CEP85L: variants seen among roughly 807,000 people sequenced by gnomAD.
CEP85L encodes centrosomal protein of 85 kDa-like.
In CEP85L, 60 loss-of-function variants were observed where a neutral mutation model predicts 100.3. The observed-to-expected ratio is 0.60, with a 90% confidence interval of 0.49 to 0.74. The LOEUF is 0.74. CEP85L is among the 30% of genes least tolerant of loss of function. CEP85L has a pLI of 0.00. For missense variants in CEP85L, 973 were observed against 936.2 expected (o/e 1.04, Z -0.51); for synonymous variants, 319 against 322.7 (o/e 0.99, Z 0.12).
At chr6:118,475,359 T>A (rs930133804) in intron 10 of CEP85L, among the ~76,000 whole-genome samples, 1 of 147,162 alleles carries the variant, frequency 6.8e-6, no homozygotes, top group Non-Finnish European at 1.5e-5. Context: ...TTTTTTTTTT[T>A]TTTTTTTTTT....
At position 118,600,299 on chromosome 6, in the gene CEP85L, GGGTGTGTGT is replaced by G. The variant is rs1562297718; in HGVS notation, c.232+32145_232+32153del. Among the ~76,000 whole-genome samples the G allele has an allele frequency of 1.2e-3, 106 of 89,004 alleles. 10 individuals are homozygous for G. The highest frequency in any genetic ancestry group is 2.1e-3 in the African/African-American group (49 of 23,204). The allele number at this position is 89,004 out of a possible 152,430, so 58.4% of individuals were successfully genotyped here. A position where few individuals can be genotyped will look rare whatever the true frequency, so the allele number is the denominator to read the frequency against. Reference sequence around the variant, plus strand: ...ACTGCCTGTCCCTGAGCCTTCCTGGGGGTGTGTGTGTGTGTGTGTGTGTGTGTGTGTGTG... The same window carrying G: ...ACTGCCTGTCCCTGAGCCTTCCTGGGGTGTGTGTGTGTGTGTGTGTGTGTG... On this transcript the variant is annotated intron_variant, in intron 2 of 12. Transcript: ENST00000368491.
At chr6:118,482,755 T>C (rs1773881902) in intron 7 of CEP85L, among the ~76,000 whole-genome samples, 1 of 152,230 alleles carries the variant, frequency 6.6e-6, no homozygotes, top group African/African-American at 2.4e-5. Flanking sequence ...TTGCCCTCTG[T>C]TCCTGCTCAT....
chr6:118,571,605 G>C (rs7764026), intron 2 of CEP85L, among the ~76,000 whole-genome samples: 2 of 151,274 alleles, frequency 1.3e-5, no homozygotes, highest in African/African-American at 2.4e-5. Flanking sequence ...CTCTCTCTCT[G>C]TCTGCTCTAT....
intron 5 of CEP85L, among the ~76,000 whole-genome samples, chr6:118,509,268 TATG>T (rs1382540501): frequency 6.6e-6 from 1 of 152,066 alleles, no homozygotes; most frequent in East Asian, 1.9e-4. Flanking sequence ...CTTTCGATAA[TATG>T]ATAATTATAT....
At chr6:118,510,134 T>C (rs995035527) in intron 5 of CEP85L, among the ~76,000 whole-genome samples, 1 of 152,124 alleles carries the variant, frequency 6.6e-6, no homozygotes, top group Non-Finnish European at 1.5e-5. Flanking sequence ...TTTTCACTTT[T>C]GTGACATCAG....
chr6:118,616,646 T>TAAA (rs778624803), intron 2 of CEP85L, among the ~76,000 whole-genome samples: 2 of 127,788 alleles, frequency 1.6e-5, no homozygotes, highest in African/African-American at 2.9e-5. Context: ...ACCCTGTCTT[T>TAAA]AAAAAAAAAA....
chr6:118,526,667 A>C (rs900339792), intron 3 of CEP85L, among the ~76,000 whole-genome samples: 1 of 152,222 alleles, frequency 6.6e-6, no homozygotes, highest in Non-Finnish European at 1.5e-5. Context: ...AAAGCTGGCC[A>C]AAACTTGCCA....
chr6:118,693,070 C>T (rs1191382846), intron 1 of CEP85L, among the ~76,000 whole-genome samples: 1 of 152,202 alleles, frequency 6.6e-6, no homozygotes, highest in Non-Finnish European at 1.5e-5. Flanking sequence ...AGACCTCTAA[C>T]CCAACTTGTT....
At chr6:118,634,109 G>C (rs764833956) in intron 1 of CEP85L, among the ~76,000 whole-genome samples, 8 of 152,038 alleles carry the variant, frequency 5.3e-5, no homozygotes, top group Non-Finnish European at 8.8e-5. Flanking sequence ...GACATCACTG[G>C]GTATTTACCA....
intron 10 of CEP85L, among the ~76,000 whole-genome samples, chr6:118,478,732 ATTC>A (rs1277206798): frequency 1.4e-4 from 22 of 152,160 alleles, no homozygotes; most frequent in Admixed American, 6.5e-5. Context: ...ATAATTGCAT[ATTC>A]TTCTACATAT....
chr6:118,660,359 T>C (rs1030725662), intron 1 of CEP85L, among the ~76,000 whole-genome samples: 2 of 152,240 alleles, frequency 1.3e-5, no homozygotes, highest in African/African-American at 4.8e-5. Context: ...TCATATGCCT[T>C]GATCTCTTTT....
chr6:118,492,873 C>T (rs1246581103), intron 5 of CEP85L, among the ~76,000 whole-genome samples: 3 of 152,080 alleles, frequency 2.0e-5, no homozygotes, highest in Non-Finnish European at 4.4e-5. Flanking sequence ...TTGAACTAGG[C>T]CTTGAAGAAC....
At chr6:118,647,774 G>C (rs370097420) in intron 1 of CEP85L, among the ~76,000 whole-genome samples, 1 of 152,154 alleles carries the variant, frequency 6.6e-6, no homozygotes, top group African/African-American at 2.4e-5. Flanking sequence ...AAGCCTACGG[G>C]AAATATGTCT....
intron 2 of CEP85L, 93 bp from the exon 3 acceptor site, chr6:118,566,409 G>T: frequency 9.1e-7 from 1 of 1,097,666 alleles, no homozygotes; most frequent in Non-Finnish European, 1.3e-6. Flanking sequence ...ATCTGAACAT[G>T]GTTTCATAGC....
At chr6:118,651,761 A>G, upstream of CEP85L, 4 of 986,140 alleles carry the variant, frequency 4.1e-6, no homozygotes, top group Non-Finnish European at 3.6e-6. Context: ...CTTGGCGGCG[A>G]CTGGGCTGTC....
chr6:118,585,720 T>G (rs1252600670), intron 2 of CEP85L, among the ~76,000 whole-genome samples: 1 of 152,200 alleles, frequency 6.6e-6, no homozygotes, highest in South Asian at 2.1e-4. Context: ...GAGATTGTTT[T>G]CAGGAAAGAA....
At chr6:118,672,721 G>A (rs998355502) in intron 1 of CEP85L, among the ~76,000 whole-genome samples, 7 of 152,104 alleles carry the variant, frequency 4.6e-5, no homozygotes, top group Admixed American at 2.6e-4. Context: ...AGCTGAGATC[G>A]TGTCTCTGCA....
intron 2 of CEP85L, among the ~76,000 whole-genome samples, chr6:118,595,232 T>C (rs485416): frequency 0.22 from 32,805 of 152,078 alleles, 4,658 homozygotes; most frequent in East Asian, 0.61. Context: ...ATCAGCTATG[T>C]ACCTTATGTT....
intron 5 of CEP85L, among the ~76,000 whole-genome samples, chr6:118,500,745 C>T (rs889034264): frequency 6.6e-6 from 1 of 152,174 alleles, no homozygotes; most frequent in African/African-American, 2.4e-5. Flanking sequence ...ATCGGGTGCT[C>T]AACAAGCTAC....
Sources: gnomAD v4.1 joint callset for allele counts (sites outside exome capture counted in the v4.1 genomes callset) on GRCh38, gnomAD v4.1.1 for gene constraint, MANE v1.5 for transcripts, NCBI Gene and HGNC (gene_info 2026-07-23, HGNC 2026-07-21) for gene names.